The following CACNA1E variants were observed in gnomAD, a reference collection of about 807,000 sequenced individuals.
CACNA1E encodes the protein calcium voltage-gated channel subunit alpha1 E.
A neutral mutation model predicts 259.2 loss-of-function variants in CACNA1E; 40 were observed. The ratio of observed to expected loss-of-function variants is 0.15; its 90% CI spans 0.12 to 0.20. The LOEUF (loss-of-function observed/expected upper bound fraction) is 0.20. Among genes scored for constraint, CACNA1E ranks in the 10% least tolerant of loss-of-function variants. The pLI is 1.00. For synonymous variants in CACNA1E, 1,104 were observed against 1,138.5 expected (o/e 0.97, Z 0.61); for missense variants, 1,874 against 3,040.1 (o/e 0.62, Z 9.02).
chr1:181,709,433 C>T (rs893773902), intron 7 of CACNA1E, among the ~76,000 whole-genome samples: 15 of 152,206 alleles, frequency 9.9e-5, no homozygotes, highest in African/African-American at 3.6e-4. Flanking sequence ...TACCCAAGGA[C>T]ACCAGCTCTA....
intron 7 of CACNA1E, among the ~76,000 whole-genome samples, chr1:181,664,976 A>G (rs946147832): frequency 6.6e-6 from 1 of 152,214 alleles, no homozygotes; most frequent in Non-Finnish European, 1.5e-5. Flanking sequence ...GCCTTTTTGG[A>G]TATGAAGACA....
chr1:181,676,691 A>AT (rs1649415032), intron 7 of CACNA1E, among the ~76,000 whole-genome samples: 3 of 152,182 alleles, frequency 2.0e-5, no homozygotes. Flanking sequence ...AGTTGAGTGG[A>AT]TGATGTATAA....
At chr1:181,332,156 C>T (rs1557918110) in intron 1 of CACNA1E, among the ~76,000 whole-genome samples, 1 of 152,166 alleles carries the variant, frequency 6.6e-6, no homozygotes, top group Non-Finnish European at 1.5e-5. Flanking sequence ...TAAGTGGGAG[C>T]TGAACGATGA....
chr1:181,600,833 A>G (rs1043458933), intron 6 of CACNA1E, among the ~76,000 whole-genome samples: 3 of 152,194 alleles, frequency 2.0e-5, no homozygotes, highest in African/African-American at 7.2e-5. Context: ...CTTGAGAAAC[A>G]TTAATTTATT....
At chr1:181,335,664 C>T (rs563492693) in intron 1 of CACNA1E, among the ~76,000 whole-genome samples, 5 of 152,328 alleles carry the variant, frequency 3.3e-5, no homozygotes, top group African/African-American at 9.6e-5. Flanking sequence ...GCCTTTTTAC[C>T]CTTCTGTCTG....
chr1:181,560,281 GA>G (rs75116319), intron 3 of CACNA1E, among the ~76,000 whole-genome samples: 3 of 150,246 alleles, frequency 2.0e-5, no homozygotes, highest in African/African-American at 4.9e-5. Context: ...ATTTCCATTG[GA>G]AAAAAAATCA....
At chr1:181,539,635 G>A (rs1280165023) in intron 3 of CACNA1E, among the ~76,000 whole-genome samples, 1 of 152,160 alleles carries the variant, frequency 6.6e-6, no homozygotes, top group Non-Finnish European at 1.5e-5. Flanking sequence ...TGTCCCGCAA[G>A]GTCTGAGTCC....
At chr1:181,466,317 T>C (rs1351182679) in intron 2 of CACNA1E, among the ~76,000 whole-genome samples, 1 of 151,774 alleles carries the variant, frequency 6.6e-6, no homozygotes, top group Admixed American at 6.6e-5. Context: ...CCAAGGCTGG[T>C]GGATCACTTG....
chr1:181,712,051 A>G lies in CACNA1E; in HGVS notation c.1171+982A>G, dbSNP rs552616441. ...AGAACAGGTGTTTTCCTAAGCCTTG[A>G]GCTGTCATCAGTTCTTACCCTGTGA... On this transcript the variant is annotated intron_variant, in intron 8 of 47. Coordinates refer to ENST00000367573, the MANE Select transcript of CACNA1E (RefSeq NM_001205293.3). 2.6e-5 allele frequency among the ~76,000 whole-genome samples: 4 copies of G among 152,266 alleles called. No homozygotes were observed. In the South Asian group the frequency reaches 8.3e-4, roughly 32 times the overall value.
intron 1 of CACNA1E, among the ~76,000 whole-genome samples, chr1:181,407,885 T>C (rs1571791608): frequency 6.6e-6 from 1 of 152,336 alleles, no homozygotes; most frequent in East Asian, 1.9e-4. Context: ...TTGTAGAGTA[T>C]CATATCTCAA....
intron 7 of CACNA1E, among the ~76,000 whole-genome samples, chr1:181,676,622 CTTAGTAT>C: frequency 6.6e-6 from 1 of 152,188 alleles, no homozygotes; most frequent in South Asian, 2.1e-4. Flanking sequence ...TGAAGCCCTC[CTTAGTAT>C]ATATGTGCTC....
intron 3 of CACNA1E, among the ~76,000 whole-genome samples, chr1:181,516,608 AG>A: frequency 6.6e-6 from 1 of 152,336 alleles, no homozygotes; most frequent in Non-Finnish European, 1.5e-5. Flanking sequence ...ACTCAGCGAC[AG>A]CACCAGCTGT....
chr1:181,561,415 A>G (rs1649315329), intron 3 of CACNA1E, among the ~76,000 whole-genome samples: 1 of 152,156 alleles, frequency 6.6e-6, no homozygotes, highest in Admixed American at 6.6e-5. Context: ...GAATATTTCT[A>G]TCACCCCCCA....
At chr1:181,457,944 C>T (rs542870490) in intron 2 of CACNA1E, among the ~76,000 whole-genome samples, 1 of 152,280 alleles carries the variant, frequency 6.6e-6, no homozygotes, top group African/African-American at 2.4e-5. Flanking sequence ...AAAGGAGAAC[C>T]TTGAGGCCGG....
At chr1:181,603,272 C>A (rs931773653) in intron 6 of CACNA1E, among the ~76,000 whole-genome samples, 3 of 152,158 alleles carry the variant, frequency 2.0e-5, no homozygotes, top group Admixed American at 6.5e-5. Context: ...CCCAATAGCC[C>A]TTTGAGGTAG....
chr1:181,395,370 T>G (rs1314192653), intron 1 of CACNA1E, among the ~76,000 whole-genome samples: 3 of 152,070 alleles, frequency 2.0e-5, no homozygotes, highest in Non-Finnish European at 4.4e-5. Flanking sequence ...CTTGGGCATG[T>G]TGAATTTGAG....
At chr1:181,583,820 T>TC (rs931348570) in intron 6 of CACNA1E, among the ~76,000 whole-genome samples, 4 of 152,068 alleles carry the variant, frequency 2.6e-5, no homozygotes, top group African/African-American at 9.7e-5. Flanking sequence ...CTTCCCTCCC[T>TC]CCTCTGGTGG....
intron 6 of CACNA1E, among the ~76,000 whole-genome samples, chr1:181,647,487 T>A (rs912335591): frequency 3.3e-5 from 5 of 152,204 alleles, no homozygotes; most frequent in African/African-American, 1.2e-4. Flanking sequence ...CACCTCCTGC[T>A]GAGACAGACA....
chr1:181,539,014 C>T (rs939317937), intron 3 of CACNA1E, among the ~76,000 whole-genome samples: 3 of 152,216 alleles, frequency 2.0e-5, no homozygotes, highest in Admixed American at 6.5e-5. Context: ...AGCCTGCCCT[C>T]CAGCTATACT....
Sources: gnomAD v4.1 joint callset for allele counts (sites outside exome capture counted in the v4.1 genomes callset) on GRCh38, gnomAD v4.1.1 for gene constraint, MANE v1.5 for transcripts, NCBI Gene and HGNC (gene_info 2026-07-23, HGNC 2026-07-21) for gene names.